PIWIL1: variants seen among roughly 807,000 people sequenced by gnomAD.
The protein encoded by PIWIL1 is piwi like RNA-mediated gene silencing 1.
PIWIL1 carries 73 observed loss-of-function variants against 114.4 expected under a neutral mutation model. The observed-to-expected ratio is 0.64, with a 90% CI of 0.53 to 0.78. The LOEUF (loss-of-function observed/expected upper bound fraction) is 0.78. Among genes scored for constraint, PIWIL1 ranks in the 30% least tolerant of loss-of-function variants. PIWIL1 has a pLI of 0.00. For synonymous variants in PIWIL1, 375 were observed against 369.0 expected (o/e 1.02, Z -0.19); for missense variants, 723 against 1,063.1 (o/e 0.68, Z 4.45).
chr12:130,343,043 G>A lies in PIWIL1; in HGVS notation c.132G>A (p.Gly44=), dbSNP rs771270627. ...GGCCTCAGCCGCCACCAGCAGAGGG[G>A]GAATTATTTGGCCGTGGACGGCAGA... ...QPRPQPPPAE[G]ELFGRGRQRG... is the part of the protein sequence containing the mutation. The change falls in exon 3 of 21, where the codon GGG becomes GGA. Residue 44 remains glycine (G), a synonymous_variant. Transcript: ENST00000245255. The A allele has an allele frequency of 4.3e-6, 7 of 1,613,948 alleles. No individual in the cohort carries two copies. The highest frequency in any genetic ancestry group is 5.1e-6 in the Non-Finnish European group (6 of 1,179,984).
At chr12:130,342,182 G>GTC (rs1325195952) in intron 1 of PIWIL1, 300 of 191,268 alleles carry the variant, frequency 1.6e-3, no homozygotes, top group Non-Finnish European at 2.4e-3. Flanking sequence ...GTGTGTGTGT[G>GTC]TGTGTGTGTC....
the PIWIL1 span, among the ~76,000 whole-genome samples, chr12:130,407,044 C>T: frequency 6.6e-6 from 1 of 152,214 alleles, no homozygotes; most frequent in Admixed American, 6.5e-5. Context: ...TGACCCAGCA[C>T]ATTTCAGTTC....
At chr12:130,351,884 C>T (rs1179762993) in intron 9 of PIWIL1, among the ~76,000 whole-genome samples, 2 of 152,174 alleles carry the variant, frequency 1.3e-5, no homozygotes, top group Non-Finnish European at 2.9e-5. Context: ...CTTCTTCTTC[C>T]CCTTCCCCCC....
chr12:130,367,483 A>G (rs1021329956), intron 19 of PIWIL1, among the ~76,000 whole-genome samples: 5 of 152,094 alleles, frequency 3.3e-5, no homozygotes, highest in Admixed American at 2.6e-4. Flanking sequence ...GGGAAAGAGG[A>G]TTATTTTCTG....
chr12:130,342,719 C>A, intron 2 of PIWIL1, 50 bp downstream of exon 2: 5 of 1,392,286 alleles, frequency 3.6e-6, no homozygotes, highest in Non-Finnish European at 5.1e-6. Flanking sequence ...GACTCTTGAT[C>A]AGCCTAGGCT....
downstream of PIWIL1, among the ~76,000 whole-genome samples, chr12:130,374,547 A>T (rs575026619): frequency 1.2e-4 from 19 of 152,244 alleles, no homozygotes; most frequent in South Asian, 3.7e-3. Context: ...GCCACCATTC[A>T]AAGGAGGCTC....
intron 1 of PIWIL1, among the ~76,000 whole-genome samples, chr12:130,339,017 G>A (rs2072814481): frequency 6.6e-6 from 1 of 151,974 alleles, no homozygotes; most frequent in African/African-American, 2.4e-5. Flanking sequence ...AGGGCCTTCG[G>A]GACCTCCCGC....
chr12:130,355,172 C>CCT (rs139631886), intron 11 of PIWIL1, among the ~76,000 whole-genome samples, 167 bp downstream of exon 11: 4,588 of 152,294 alleles, frequency 0.03, 102 homozygotes, highest in Admixed American at 0.065. Context: ...GCTACCTATA[C>CCT]CTCACTTATT....
intron 19 of PIWIL1, 45 bp from the exon 20 acceptor site, chr12:130,371,131 C>G (rs201740999): frequency 1.5e-6 from 2 of 1,327,378 alleles, no homozygotes; most frequent in Non-Finnish European, 2.1e-6. Flanking sequence ...TGGAATCACC[C>G]TAATTTTAGT....
At chr12:130,349,603 A>G (rs184724769) in intron 8 of PIWIL1, among the ~76,000 whole-genome samples, 167 bp downstream of exon 8, 21 of 152,322 alleles carry the variant, frequency 1.4e-4, no homozygotes, top group South Asian at 1.0e-3. Flanking sequence ...TTTGGAGATG[A>G]CATAACTCAT....
chr12:130,412,569 T>C, the PIWIL1 span: 1 of 1,560,154 alleles, frequency 6.4e-7, no homozygotes, highest in African/African-American at 1.4e-5. Context: ...GCGGCAGGTG[T>C]TTTGTGGGAT....
chr12:130,422,382 A>T, the PIWIL1 span: 120 of 1,063,362 alleles, frequency 1.1e-4, no homozygotes, highest in African/African-American at 1.7e-3. The surrounding 1 kb of genome is among the most constrained non-coding windows in gnomAD (Gnocchi z 5.2). Flanking sequence ...AGTTTTGTTC[A>T]TGCTTAGATG....
intron 9 of PIWIL1, chr12:130,351,048 G>A (rs774581740): frequency 2.0e-5 from 3 of 152,156 alleles, no homozygotes; most frequent in Non-Finnish European, 4.4e-5. Context: ...TTTACTCCTT[G>A]AGGACTCCAA....
the PIWIL1 span, among the ~76,000 whole-genome samples, chr12:130,410,983 A>ATC: frequency 2.6e-5 from 4 of 152,194 alleles, no homozygotes; most frequent in African/African-American, 9.7e-5. Context: ...CATGAATATG[A>ATC]TCTCTCTGTC....
intron 9 of PIWIL1, 37 bp from the exon 10 acceptor site, chr12:130,354,500 T>C: frequency 1.2e-6 from 2 of 1,613,282 alleles, no homozygotes; most frequent in East Asian, 4.5e-5. Flanking sequence ...ACTCGAGGCA[T>C]TTGCCGTGAA....
the PIWIL1 span, among the ~76,000 whole-genome samples, chr12:130,409,623 G>T: frequency 3.2e-4 from 48 of 152,198 alleles, no homozygotes; most frequent in African/African-American, 1.1e-3. Flanking sequence ...GATTACAGGC[G>T]TGAGCCACTG....
the PIWIL1 span, among the ~76,000 whole-genome samples, chr12:130,395,380 G>GTGAC: frequency 6.6e-6 from 1 of 152,226 alleles, no homozygotes; most frequent in Admixed American, 6.5e-5. Context: ...GTAATTAAAT[G>GTGAC]TGACTTAAGC....
intron 3 of PIWIL1, among the ~76,000 whole-genome samples, chr12:130,344,376 T>G (rs2073010533): frequency 6.6e-6 from 1 of 151,992 alleles, no homozygotes; most frequent in African/African-American, 2.4e-5. Flanking sequence ...TTTAAAGGAT[T>G]TTTAGGTAGA....
chr12:130,397,189 T>TC, the PIWIL1 span: 1 of 372,052 alleles, frequency 2.7e-6, no homozygotes, highest in African/African-American at 2.1e-5. Context: ...GAGCAACCGC[T>TC]CCTCTTTGTT....
Sources: gnomAD v4.1 joint callset for allele counts (sites outside exome capture counted in the v4.1 genomes callset) on GRCh38, gnomAD v4.1.1 for gene constraint, Gnocchi (gnomAD v3.1) non-coding constraint, MANE v1.5 for transcripts, NCBI Gene and HGNC (gene_info 2026-07-23, HGNC 2026-07-21) for gene names.